HTR3B: variants seen among roughly 807,000 people sequenced by gnomAD.
HTR3B encodes the protein 5-hydroxytryptamine receptor 3B, also known as 5-hydroxytryptamine (serotonin) receptor 3B, ionotropic.
Under a neutral mutation model 42.8 loss-of-function variants are expected in HTR3B, and 44 were observed. The ratio of observed to expected loss-of-function variants is 1.03; its 90% CI spans 0.81 to 1.32. The LOEUF (loss-of-function observed/expected upper bound fraction) is 1.32. Among genes scored for constraint, HTR3B ranks in the 40% most tolerant of loss-of-function variants. The pLI, the probability that HTR3B is intolerant of heterozygous loss-of-function variation, is 0.00. For synonymous variants in HTR3B, 203 were observed against 209.0 expected, an observed-to-expected ratio of 0.97 and a Z score of 0.25; for missense variants, 527 against 536.5, an observed-to-expected ratio of 0.98 and a Z score of 0.17.
At chr11:113,940,625 T>G (rs895621431) in intron 6 of HTR3B, among the ~76,000 whole-genome samples, 1 of 152,202 alleles carries the variant, frequency 6.6e-6, no homozygotes, top group Non-Finnish European at 1.5e-5. Flanking sequence ...AATTATGGTT[T>G]AATGTGAATG....
At chr11:113,901,720 C>T (rs925303184), upstream of HTR3B, among the ~76,000 whole-genome samples, 1 of 152,102 alleles carries the variant, frequency 6.6e-6, no homozygotes, top group Non-Finnish European at 1.5e-5. Flanking sequence ...ACCTGTATTA[C>T]ACATCATTAG....
At chr11:113,935,814 G>A (rs73556625) in intron 6 of HTR3B, among the ~76,000 whole-genome samples, 3,415 of 152,268 alleles carry the variant, frequency 0.022, 108 homozygotes, top group African/African-American at 0.075. Flanking sequence ...CCCAGCGGGA[G>A]GTTGGGGACG....
At chr11:113,929,949 G>GTC (rs1950016035) in intron 2 of HTR3B, among the ~76,000 whole-genome samples, 1 of 152,028 alleles carries the variant, frequency 6.6e-6, no homozygotes, top group African/African-American at 2.4e-5. Flanking sequence ...AGCCAGGATG[G>GTC]TCTCCATCTC....
chr11:113,912,747 G>T (rs897163281), intron 2 of HTR3B, among the ~76,000 whole-genome samples: 1 of 152,028 alleles, frequency 6.6e-6, no homozygotes, highest in African/African-American at 2.4e-5. Flanking sequence ...TCTAGTAAGG[G>T]TATAATGGTA....
intron 2 of HTR3B, among the ~76,000 whole-genome samples, chr11:113,911,519 C>T (rs1171112896): frequency 6.6e-6 from 1 of 151,592 alleles, no homozygotes. Context: ...TGTGAGCCAC[C>T]ACACCCGGCT....
At chr11:113,925,893 A>G (rs1019460920) in intron 2 of HTR3B, among the ~76,000 whole-genome samples, 45 of 152,180 alleles carry the variant, frequency 3.0e-4, no homozygotes, top group African/African-American at 1.0e-3. Flanking sequence ...CAACCACAAA[A>G]TTCACCAATT....
rs558813061 is a variant in HTR3B, at chr11:113,940,226, C to T, written c.697-2756C>T. On this transcript the variant is annotated intron_variant, in intron 6 of 8. Coordinates refer to ENST00000260191, the MANE Select transcript of HTR3B (RefSeq NM_006028.5). ...TGAGTCTGGGCTCTTTCTGCTTAACCAACATGGCTTCTTGTACTTTGCTTA... is the reference window on the plus strand; with the variant it reads ...TGAGTCTGGGCTCTTTCTGCTTAACTAACATGGCTTCTTGTACTTTGCTTA... Among the ~76,000 whole-genome samples, 3 of 152,260 alleles carry T rather than the reference C, an allele frequency of 2.0e-5. No homozygotes were observed. In the East Asian group the frequency reaches 5.8e-4, roughly 29 times the overall value.
intron 2 of HTR3B, among the ~76,000 whole-genome samples, chr11:113,915,418 T>C (rs1949842879): frequency 6.6e-6 from 1 of 152,228 alleles, no homozygotes; most frequent in African/African-American, 2.4e-5. Context: ...TTCCCTCTAG[T>C]TTTGGCTTAT....
chr11:113,911,896 A>C (rs1438925479), intron 2 of HTR3B, among the ~76,000 whole-genome samples: 1 of 152,038 alleles, frequency 6.6e-6, no homozygotes, highest in Non-Finnish European at 1.5e-5. Context: ...TTCCTAGTCC[A>C]TCCCCATCCT....
chr11:113,928,252 A>G (rs1212777981), intron 2 of HTR3B, among the ~76,000 whole-genome samples: 2 of 152,258 alleles, frequency 1.3e-5, no homozygotes, highest in East Asian at 3.9e-4. Flanking sequence ...TCCACGGTAT[A>G]TATGTACCAC....
chr11:113,901,045 A>G (rs972275441), upstream of HTR3B, among the ~76,000 whole-genome samples: 145 of 152,298 alleles, frequency 9.5e-4, no homozygotes, highest in African/African-American at 3.3e-3. Flanking sequence ...ACATACAGCC[A>G]AACCATATTA....
At chr11:113,943,523 C>T (rs940021912) in intron 7 of HTR3B, among the ~76,000 whole-genome samples, 6 of 151,402 alleles carry the variant, frequency 4.0e-5, no homozygotes, top group African/African-American at 9.7e-5. Context: ...TTAGTAGAGA[C>T]GGGGTTTCAC....
chr11:113,941,316 A>G (rs78404558), intron 6 of HTR3B, among the ~76,000 whole-genome samples: 1,629 of 152,326 alleles, frequency 0.011, 17 homozygotes, highest in African/African-American at 0.037. Flanking sequence ...TACCCCAGAG[A>G]TGGGATGAGA....
At chr11:113,934,823 G>T (rs932910455) in intron 6 of HTR3B, among the ~76,000 whole-genome samples, 5 of 150,914 alleles carry the variant, frequency 3.3e-5, no homozygotes, top group African/African-American at 1.2e-4. Flanking sequence ...TAATTTTAAA[G>T]ATATCAGCCC....
At chr11:113,917,736 C>T (rs1228613582) in intron 2 of HTR3B, among the ~76,000 whole-genome samples, 1 of 152,062 alleles carries the variant, frequency 6.6e-6, no homozygotes, top group African/African-American at 2.4e-5. Context: ...TCCTGAGTAG[C>T]TGGGACTACA....
intron 2 of HTR3B, among the ~76,000 whole-genome samples, chr11:113,912,346 C>G (rs906350857): frequency 1.3e-5 from 2 of 152,100 alleles, no homozygotes; most frequent in Non-Finnish European, 2.9e-5. Context: ...CGGGTTCACG[C>G]CATTCTCCTG....
the HTR3B span, among the ~76,000 whole-genome samples, chr11:113,899,599 A>G: frequency 6.6e-6 from 1 of 152,210 alleles, no homozygotes; most frequent in Admixed American, 6.5e-5. Flanking sequence ...TATTTTTTGA[A>G]CTAATTGCAT....
chr11:113,937,516 C>A (rs912186161), intron 6 of HTR3B, among the ~76,000 whole-genome samples: 2 of 152,212 alleles, frequency 1.3e-5, no homozygotes, highest in African/African-American at 4.8e-5. Flanking sequence ...AGCACTTAGC[C>A]TATGCCAAGC....
chr11:113,931,961 G>C, intron 4 of HTR3B, 94 bp downstream of exon 4: 3 of 800,484 alleles, frequency 3.7e-6, no homozygotes. Context: ...GCTCATTTTT[G>C]CTTCTCAAGT....
Sources: gnomAD v4.1 joint callset for allele counts (sites outside exome capture counted in the v4.1 genomes callset) on GRCh38, gnomAD v4.1.1 for gene constraint, MANE v1.5 for transcripts, NCBI Gene and HGNC (gene_info 2026-07-23, HGNC 2026-07-21) for gene names.